USH2A: variants seen among roughly 807,000 people sequenced by gnomAD.
USH2A encodes Usher syndrome 2A (autosomal recessive, mild).
USH2A carries 443 observed loss-of-function variants against 538.9 expected under a neutral mutation model. The ratio of observed to expected loss-of-function variants is 0.82; its 90% confidence interval spans 0.76 to 0.89. The LOEUF (loss-of-function observed/expected upper bound fraction) is 0.89. USH2A is among the 40% of genes least tolerant of loss of function. The pLI, the probability that USH2A is intolerant of heterozygous loss-of-function variation, is 0.00. For synonymous variants in USH2A, 2,413 were observed against 2,273.5 expected (o/e 1.06, Z -1.75); for missense variants, 6,633 against 6,324.8 (o/e 1.05, Z -1.65).
intron 40 of USH2A, among the ~76,000 whole-genome samples, chr1:215,898,603 T>C (rs1015038730): frequency 6.6e-6 from 1 of 152,134 alleles, no homozygotes. Context: ...AAATGCTTTC[T>C]CCCTTCTTCC....
intron 3 of USH2A, among the ~76,000 whole-genome samples, chr1:216,388,594 T>A (rs1441307568): frequency 6.6e-6 from 1 of 152,208 alleles, no homozygotes; most frequent in African/African-American, 2.4e-5. Context: ...ACATATCACT[T>A]TTAACATAAA....
intron 47 of USH2A, among the ~76,000 whole-genome samples, chr1:215,822,483 C>A (rs1274377253): frequency 1.3e-5 from 2 of 152,048 alleles, no homozygotes; most frequent in East Asian, 3.9e-4. Flanking sequence ...TATTCTGCAA[C>A]TTTACTAAAT....
chr1:216,002,633 T>C (rs897589091), intron 32 of USH2A, among the ~76,000 whole-genome samples: 6 of 152,114 alleles, frequency 3.9e-5, no homozygotes, highest in African/African-American at 7.2e-5. Flanking sequence ...TATCAGATTG[T>C]CTTGGTCAGC....
intron 37 of USH2A, among the ~76,000 whole-genome samples, chr1:215,958,216 A>C (rs1054816646): frequency 2.0e-5 from 3 of 152,136 alleles, no homozygotes; most frequent in African/African-American, 7.2e-5. Flanking sequence ...GTGTGTGAAA[A>C]GGACACTGGA....
chr1:215,627,469 C>CTTCCTTCCTTCCTTCT (rs1571913517), intron 71 of USH2A, among the ~76,000 whole-genome samples: 3 of 138,112 alleles, frequency 2.2e-5, no homozygotes, highest in African/African-American at 8.3e-5. Flanking sequence ...TCCTTCCTTC[C>CTTCCTTCCTTCCTTCT]TTCCTTCCTT....
intron 4 of USH2A, among the ~76,000 whole-genome samples, chr1:216,364,080 G>T (rs2038548095): frequency 6.7e-6 from 1 of 150,190 alleles, no homozygotes; most frequent in Admixed American, 6.6e-5. Flanking sequence ...ATTTTAATAT[G>T]CAGGCATTTT....
Position 216,292,171 on chromosome 1 carries a change from T to C in USH2A, c.1840+4A>G, listed in dbSNP as rs749288291. The C allele has an allele frequency of 1.2e-5, 19 of 1,614,000 alleles. No individual in the cohort carries two copies. The highest frequency in any genetic ancestry group is 1.6e-5 in the Non-Finnish European group (19 of 1,179,926). On this transcript the variant is annotated splice_donor_region_variant and intron_variant, in intron 10 of 71. Coordinates refer to ENST00000307340, the MANE Select transcript of USH2A (RefSeq NM_206933.4). ...ACCAACTCAGGAATTTATTTGCTAC[T>C]TACCTGTAGTGTTATGCTCACAATC... is the stretch of plus-strand genomic sequence containing the variant.
intron 51 of USH2A, among the ~76,000 whole-genome samples, chr1:215,787,690 T>C (rs1661840994): frequency 6.6e-6 from 1 of 152,164 alleles, no homozygotes; most frequent in Non-Finnish European, 1.5e-5. Flanking sequence ...ATTCAGCCTC[T>C]CTCTTACATA....
chr1:215,803,152 T>G (rs568651796), intron 49 of USH2A, among the ~76,000 whole-genome samples: 10 of 152,254 alleles, frequency 6.6e-5, no homozygotes, highest in Non-Finnish European at 1.0e-4. Flanking sequence ...AAGAGCTATC[T>G]ATGACAAACC....
chr1:216,070,729 A>G (rs890127832), intron 29 of USH2A, among the ~76,000 whole-genome samples: 2 of 151,954 alleles, frequency 1.3e-5, no homozygotes, highest in African/African-American at 4.8e-5. Flanking sequence ...AAAATCACAA[A>G]TGTGATTGTG....
chr1:216,195,502 T>C (rs565919619), intron 19 of USH2A, among the ~76,000 whole-genome samples: 1 of 151,998 alleles, frequency 6.6e-6, no homozygotes. Context: ...AGCGAAGAAA[T>C]CCTCTTAGTG....
chr1:215,854,023 C>T (rs368970462), intron 44 of USH2A, among the ~76,000 whole-genome samples: 4 of 152,142 alleles, frequency 2.6e-5, no homozygotes, highest in African/African-American at 9.7e-5. Flanking sequence ...AGCAGCATAC[C>T]ACTTTACTGG....
intron 49 of USH2A, among the ~76,000 whole-genome samples, chr1:215,799,885 C>CT (rs1662272099): frequency 6.6e-6 from 1 of 152,074 alleles, no homozygotes; most frequent in African/African-American, 2.4e-5. Context: ...ACTCGAGAGG[C>CT]TGAGGCACGA....
chr1:215,971,606 A>G (rs529864257), intron 35 of USH2A, among the ~76,000 whole-genome samples: 2 of 152,128 alleles, frequency 1.3e-5, no homozygotes, highest in Non-Finnish European at 2.9e-5. Context: ...AAATAAAAAT[A>G]AAAGAACTAC....
At chr1:215,887,377 T>C (rs1665087335) in intron 41 of USH2A, among the ~76,000 whole-genome samples, 2 of 152,280 alleles carry the variant, frequency 1.3e-5, no homozygotes, top group South Asian at 2.1e-4. Flanking sequence ...TTATTAACTC[T>C]ATGCTTGGGT....
chr1:215,821,381 T>G (rs1420058475), intron 47 of USH2A, among the ~76,000 whole-genome samples: 6 of 151,876 alleles, frequency 4.0e-5, no homozygotes, highest in Admixed American at 3.9e-4. Flanking sequence ...GTTGGCCATT[T>G]GTATGTCTTC....
At chr1:215,743,820 C>A (rs79377926) in intron 58 of USH2A, among the ~76,000 whole-genome samples, 1,041 of 116,660 alleles carry the variant, frequency 8.9e-3, no homozygotes, top group South Asian at 0.011. Context: ...ACTCCGCCTC[C>A]AAAAAAAAAA....
At position 215,846,014 on chromosome 1, in the gene USH2A, A is replaced by C. The variant is rs1558125050; in HGVS notation, c.8865T>G (p.Gly2955=). The C allele has an allele frequency of 6.2e-7, 1 of 1,613,666 alleles. No individual in the cohort carries two copies. Among genetic ancestry groups the C allele is most frequent in the Non-Finnish European group, 8.5e-7 (1 of 1,179,834 alleles). ...AAAAAAGTGTGTAATATTCAACTTCACCTTGTAGGTCTTGAACAGCTGTCA... is the reference window on the plus strand; with the variant it reads ...AAAAAAGTGTGTAATATTCAACTTCCCCTTGTAGGTCTTGAACAGCTGTCA... ...WAKPTVQDLQ[G]EVEYYTLFWS... The change falls in exon 45 of 72, where the codon GGT becomes GGG. Residue 2955 remains glycine (G), a synonymous_variant. Coordinates refer to ENST00000307340, the MANE Select transcript of USH2A (RefSeq NM_206933.4).
chr1:215,973,557 A>G (rs1413460719), intron 35 of USH2A, among the ~76,000 whole-genome samples: 3 of 151,634 alleles, frequency 2.0e-5, no homozygotes, highest in African/African-American at 7.3e-5. Context: ...CCTAAACATC[A>G]CTCAGTGACT....
Sources: allele counts gnomAD v4.1 joint callset (sites outside exome capture counted in the v4.1 genomes callset), GRCh38; gene constraint gnomAD v4.1.1; transcripts MANE v1.5; gene names NCBI Gene and HGNC (gene_info 2026-07-23, HGNC 2026-07-21).